RAD21L1: variants seen among roughly 807,000 people sequenced by gnomAD.
The protein encoded by RAD21L1 is RAD21 cohesin complex component like 1, also known as double-strand-break repair protein rad21-like protein 1.
RAD21L1 carries 47 observed loss-of-function variants against 69.0 expected under a neutral mutation model. The ratio of observed to expected loss-of-function variants is 0.68; its 90% CI spans 0.54 to 0.87. The LOEUF is 0.87. Among genes scored for constraint, RAD21L1 ranks in the 40% least tolerant of loss-of-function variants. The pLI, the probability that RAD21L1 is intolerant of heterozygous loss-of-function variation, is 0.00. For synonymous variants in RAD21L1, 177 were observed against 205.8 expected (o/e 0.86, Z 1.20); for missense variants, 583 against 647.6 (o/e 0.90, Z 1.08).
chr20:1,254,494 A>G lies in RAD21L1; in HGVS notation c.*37A>G. On this transcript the variant is annotated 3_prime_UTR_variant, in exon 14 of 14. Coordinates refer to ENST00000683101, the MANE Select transcript of RAD21L1 (RefSeq NM_001384355.1). ...ACATACAGATTTATGGCATCACTGG[A>G]ATTTCTGTGTAGATTGTTCAATTTA... is the stretch of plus-strand genomic sequence containing the variant. The G allele has an allele frequency of 7.1e-7, 1 of 1,400,250 alleles. No individual in the cohort carries two copies. Among genetic ancestry groups the G allele is most frequent in the Non-Finnish European group, 9.6e-7 (1 of 1,045,940 alleles). The allele number at this position is 1,400,250 out of a possible 1,614,324, so 86.7% of individuals were successfully genotyped here.
chr20:1,240,777 A>T (rs1402810651), intron 8 of RAD21L1, among the ~76,000 whole-genome samples: 2 of 152,162 alleles, frequency 1.3e-5, no homozygotes, highest in Non-Finnish European at 2.9e-5. Context: ...GTGATGACCC[A>T]ATGATTCCTA....
At chr20:1,240,530 A>G in intron 8 of RAD21L1, 96 bp downstream of exon 8, 1 of 1,440,342 alleles carries the variant, frequency 6.9e-7, no homozygotes, top group Non-Finnish European at 9.1e-7. Context: ...TATAGGAGAT[A>G]GTCAATCTAG....
intron 13 of RAD21L1, among the ~76,000 whole-genome samples, chr20:1,249,253 G>A (rs1392468086): frequency 6.6e-6 from 1 of 151,948 alleles, no homozygotes; most frequent in Non-Finnish European, 1.5e-5. Context: ...TGGTATTTCA[G>A]CTTTAAACTA....
chr20:1,229,856 T>C lies in RAD21L1; in HGVS notation c.145-24T>C, dbSNP rs187526000. 1.2e-4 allele frequency: 180 copies of C among 1,524,954 alleles called. 2 individuals are homozygous for C. In the Admixed American group the frequency reaches 3.4e-3, roughly 29 times the overall value. The allele number at this position is 1,524,954 out of a possible 1,614,324, so 94.5% of individuals were successfully genotyped here. A position where few individuals can be genotyped will look rare whatever the true frequency, so the allele number is the denominator to read the frequency against. ...TTTATGAACCTAATCTTTACTCTTC[T>C]AATACTTCAAAAATTATTGAAAGGT... On this transcript the variant is annotated intron_variant, in intron 2 of 13. Coordinates refer to ENST00000683101, the MANE Select transcript of RAD21L1 (RefSeq NM_001384355.1).
At chr20:1,254,246 T>TTCTTTTC in intron 13 of RAD21L1, 23 bp from the exon 14 acceptor site, 1 of 1,427,798 alleles carries the variant, frequency 7.0e-7, no homozygotes, top group Non-Finnish European at 9.3e-7. Flanking sequence ...CATTTCTTTT[T>TTCTTTTC]TCTTTTCTAA....
chr20:1,247,263 G>A (rs981911484), intron 12 of RAD21L1, among the ~76,000 whole-genome samples: 5 of 152,188 alleles, frequency 3.3e-5, no homozygotes, highest in Admixed American at 2.0e-4. Flanking sequence ...GCTGTAGGGT[G>A]TCCAGATAGA....
intron 13 of RAD21L1, among the ~76,000 whole-genome samples, chr20:1,250,659 A>G (rs944906231): frequency 2.0e-5 from 3 of 152,230 alleles, no homozygotes; most frequent in African/African-American, 7.2e-5. Flanking sequence ...TAGTGCCACA[A>G]TAAACATATA....
chr20:1,234,684 G>C (rs2122791052), intron 5 of RAD21L1, among the ~76,000 whole-genome samples: 1 of 152,282 alleles, frequency 6.6e-6, no homozygotes, highest in East Asian at 1.9e-4. Flanking sequence ...TGTATATATT[G>C]ATTGTGAAAC....
In RAD21L1 at chr20:1,233,628, C is replaced by A. The variant is rs1161840309; in HGVS notation, c.369-457C>A. Among the ~76,000 whole-genome samples, 3 of 152,134 alleles carry A rather than the reference C, an allele frequency of 2.0e-5. No homozygotes were observed. The East Asian group carries it at 5.8e-4, about 29-fold the overall frequency. The stretch of plus-strand genomic sequence containing the variant: ...TCTGGTGATGGCCTGCTTCCTGATT[C>A]ATAGATGGCAACCTTCTCACCGTAT... On this transcript the variant is annotated intron_variant, in intron 4 of 13. Coordinates refer to ENST00000683101, the MANE Select transcript of RAD21L1 (RefSeq NM_001384355.1).
chr20:1,253,754 C>T (rs565948371), intron 13 of RAD21L1, among the ~76,000 whole-genome samples: 9 of 152,228 alleles, frequency 5.9e-5, no homozygotes, highest in East Asian at 1.9e-4. Context: ...GTGGTGAATC[C>T]GACATCTTTT....
chr20:1,245,663 C>T (rs2087703368), intron 11 of RAD21L1, among the ~76,000 whole-genome samples: 1 of 152,064 alleles, frequency 6.6e-6, no homozygotes, highest in African/African-American at 2.4e-5. Flanking sequence ...TTCTTTCTTC[C>T]TTTATGTCTT....
At chr20:1,237,468 A>G (rs984467984) in intron 5 of RAD21L1, among the ~76,000 whole-genome samples, 22 of 151,692 alleles carry the variant, frequency 1.5e-4, no homozygotes, top group African/African-American at 4.8e-4. Flanking sequence ...ACATAATATA[A>G]TACATACTAT....
In RAD21L1 at chr20:1,239,422, T is replaced by C; in HGVS notation, c.742+15T>C. On this transcript the variant is annotated intron_variant, in intron 7 of 13. Coordinates refer to ENST00000683101, the MANE Select transcript of RAD21L1 (RefSeq NM_001384355.1). ...TAGTTTAGCAGGTAGGTTGAAATTTTCCTTTATGAGAAAGTAATGGGTTAC... is the reference window on the plus strand; with the variant it reads ...TAGTTTAGCAGGTAGGTTGAAATTTCCCTTTATGAGAAAGTAATGGGTTAC... The C allele has an allele frequency of 6.9e-7, 1 of 1,438,978 alleles. No homozygotes were observed. Among genetic ancestry groups the C allele is most frequent in the Non-Finnish European group, 9.6e-7 (1 of 1,046,326 alleles). The allele number at this position is 1,438,978 out of a possible 1,614,324, so 89.1% of individuals were successfully genotyped here.
chr20:1,240,671 G>A (rs2087588624), intron 8 of RAD21L1, among the ~76,000 whole-genome samples: 1 of 152,048 alleles, frequency 6.6e-6, no homozygotes, highest in Admixed American at 6.5e-5. Flanking sequence ...CTAGTTACAA[G>A]GTGGGTGGGG....
Position 1,246,990 on chromosome 20 carries a change from T to A in RAD21L1, c.1401+685T>A, listed in dbSNP as rs1040117710. On this transcript the variant is annotated intron_variant, in intron 12 of 13. Transcript: ENST00000683101. This position sits in a 1 kb window ranked among gnomAD's most constrained non-coding sequence, Gnocchi z 4.6. ...TAATTTGCTTCTATAAAATTATCTA[T>A]ATATTGAGTTCCAAGACTCTTTGAT... 2.0e-5 allele frequency among the ~76,000 whole-genome samples: 3 copies of A among 152,158 alleles called. No homozygotes were observed. Among genetic ancestry groups the A allele is most frequent in the African/African-American group, 7.2e-5 (3 of 41,452 alleles).
rs371192460 is a variant in RAD21L1, at chr20:1,242,757, A to G, written c.995A>G (p.Gln332Arg). ...LMVLELAPPT[Q>R]RLMMWKKRGG... Reference sequence around the variant, plus strand: ...GTTTTGGAACTTGCACCTCCTACCCAAAGATTGATGATGTGGAAGAAGAGG... The same window carrying G: ...GTTTTGGAACTTGCACCTCCTACCCGAAGATTGATGATGTGGAAGAAGAGG... Residue 332 changes from glutamine (Q) to arginine (R), a missense_variant, in exon 9 of 14, where the codon CAA becomes CGA. Gln to Arg is a conservative substitution (Grantham distance 43, BLOSUM62 1). Coordinates refer to ENST00000683101, the MANE Select transcript of RAD21L1 (RefSeq NM_001384355.1). The G allele has an allele frequency of 7.1e-6, 11 of 1,551,506 alleles. 1 individual carries two copies. In the South Asian group the frequency reaches 1.2e-4, roughly 17 times the overall value.
In RAD21L1 at chr20:1,240,323, G is replaced by A. The variant is rs138871393; in HGVS notation, c.745G>A (p.Glu249Lys). ...ACTTTTATGTGGATGTTGATTAGTT[G>A]AACCAGATAACTCAGAGTGTATATG... ...PSEPPNSLAV[E>K]PDNSECICVP... The change falls in exon 8 of 14, where the codon GAA becomes AAA. Residue 249 changes from glutamate to lysine, a missense_variant and splice_region_variant. By Grantham distance (56) the Glu-to-Lys change is moderately conservative. Transcript: ENST00000683101. 4.4e-4 allele frequency: 677 copies of A among 1,530,594 alleles called. 10 individuals carry two copies. In the African/African-American group the frequency reaches 8.4e-3, roughly 19 times the overall value. The allele number at this position is 1,530,594 out of a possible 1,614,324, so 94.8% of individuals were successfully genotyped here. A position where few individuals can be genotyped will look rare whatever the true frequency, so the allele number is the denominator to read the frequency against.
At chr20:1,240,510 A>G in intron 8 of RAD21L1, 76 bp downstream of exon 8, 1 of 1,479,748 alleles carries the variant, frequency 6.8e-7, no homozygotes, top group Non-Finnish European at 8.9e-7. Flanking sequence ...TTGAATAATC[A>G]CTGAAATATT....
At chr20:1,235,365 T>G (rs987573052) in intron 5 of RAD21L1, among the ~76,000 whole-genome samples, 8 of 152,196 alleles carry the variant, frequency 5.3e-5, no homozygotes, top group Non-Finnish European at 8.8e-5. Context: ...TCTGTAGCTG[T>G]GTTTCTCAGC....
Sources: allele counts gnomAD v4.1 joint callset (sites outside exome capture counted in the v4.1 genomes callset), GRCh38; gene constraint gnomAD v4.1.1; non-coding constraint Gnocchi (gnomAD v3.1); transcripts MANE v1.5; gene names NCBI Gene and HGNC (gene_info 2026-07-23, HGNC 2026-07-21).